The following HDAC9 variants were observed in gnomAD, a reference collection of about 807,000 sequenced individuals.
The protein encoded by HDAC9 is histone deacetylase 9.
A neutral mutation model predicts 139.4 loss-of-function variants in HDAC9; 41 were observed. The observed-to-expected ratio is 0.29, with a 90% CI of 0.23 to 0.38. HDAC9 has a LOEUF of 0.38. HDAC9 is among the 10% of genes least tolerant of loss of function. The probability of loss-of-function intolerance (pLI) is 1.00; values close to 1 mark genes in which losing one functional copy is unlikely to be tolerated. For synonymous variants in HDAC9, 517 were observed against 476.2 expected (o/e 1.09, Z -1.12); for missense variants, 1,147 against 1,297.0 (o/e 0.88, Z 1.78).
Position 18,445,959 on chromosome 7 carries a change from A to G in HDAC9, c.-41-50303A>G, listed in dbSNP as rs1792255909. 2.6e-5 allele frequency among the ~76,000 whole-genome samples: 4 copies of G among 152,244 alleles called. No homozygotes were observed. The South Asian group carries it at 8.3e-4, about 32-fold the overall frequency. The stretch of plus-strand genomic sequence containing the variant: ...GGATTGTGCGTGAGCTGCTGATGAC[A>G]TAGACACTCATTTGCTCCTTAAAGA... On this transcript the variant is annotated intron_variant, in intron 1 of 3. Transcript: ENST00000413509.
chr7:18,972,525 C>T (rs1277177689), intron 24 of HDAC9, among the ~76,000 whole-genome samples: 1 of 151,898 alleles, frequency 6.6e-6, no homozygotes, highest in East Asian at 1.9e-4. Flanking sequence ...GGATTATAGG[C>T]ATGCACCACC....
At chr7:18,536,084 C>G (rs1260158252) in intron 2 of HDAC9, among the ~76,000 whole-genome samples, 1 of 152,164 alleles carries the variant, frequency 6.6e-6, no homozygotes, top group Non-Finnish European at 1.5e-5. Context: ...ACACTGCAAC[C>G]CAGGTGCATG....
intron 11 of HDAC9, among the ~76,000 whole-genome samples, chr7:18,653,254 A>C (rs1480723122): frequency 6.6e-6 from 1 of 151,852 alleles, no homozygotes; most frequent in Non-Finnish European, 1.5e-5. Context: ...AAAAAAAAAA[A>C]AAACCAGTAA....
At chr7:18,124,269 C>A (rs569430955) in intron 1 of HDAC9, among the ~76,000 whole-genome samples, 1 of 152,162 alleles carries the variant, frequency 6.6e-6, no homozygotes, top group African/African-American at 2.4e-5. Flanking sequence ...ATGTCTTTTA[C>A]GGTCTGCTTC....
intron 2 of HDAC9, among the ~76,000 whole-genome samples, chr7:18,581,688 A>G (rs1241737281): frequency 6.6e-6 from 1 of 152,166 alleles, no homozygotes; most frequent in Non-Finnish European, 1.5e-5. Context: ...AAAATGAAAT[A>G]TATCATTAAC....
intron 2 of HDAC9, among the ~76,000 whole-genome samples, chr7:18,201,251 AT>A (rs1791097206): frequency 6.6e-6 from 1 of 152,118 alleles, no homozygotes; most frequent in African/African-American, 2.4e-5. Flanking sequence ...CCCATATGTT[AT>A]ATTAATTTGG....
chr7:18,143,115 G>A (rs535617075), intron 1 of HDAC9, among the ~76,000 whole-genome samples: 144 of 152,218 alleles, frequency 9.5e-4, no homozygotes, highest in Admixed American at 1.5e-3. Flanking sequence ...TGTGACACTA[G>A]GGCAAAGATC....
At chr7:18,758,887 C>T (rs528592224) in intron 14 of HDAC9, among the ~76,000 whole-genome samples, 1 of 151,404 alleles carries the variant, frequency 6.6e-6, no homozygotes, top group Non-Finnish European at 1.5e-5. Flanking sequence ...ACCAAAGAAG[C>T]AGAAGGTGAT....
At chr7:18,312,259 C>A (rs998385227) in intron 1 of HDAC9, among the ~76,000 whole-genome samples, 21 of 152,164 alleles carry the variant, frequency 1.4e-4, no homozygotes, top group Admixed American at 1.4e-3. Context: ...ATTTCTCCAT[C>A]TTTTCCTTGG....
intron 1 of HDAC9, among the ~76,000 whole-genome samples, chr7:18,443,256 A>T (rs1394035399): frequency 6.6e-6 from 1 of 152,156 alleles, no homozygotes; most frequent in Non-Finnish European, 1.5e-5. Flanking sequence ...GATAAATTAT[A>T]TTTTATCATT....
At position 18,835,713 on chromosome 7, in the gene HDAC9, A is replaced by G. The variant is rs938980914; in HGVS notation, c.2586+127A>G. 6 of 1,340,204 alleles carry G rather than the reference A, an allele frequency of 4.5e-6. No individual in the cohort carries two copies. The African/African-American group carries it at 7.2e-5, about 16-fold the overall frequency. The allele number at this position is 1,340,204 out of a possible 1,614,324, so 83.0% of individuals were successfully genotyped here. ...TTACACGAGATTACTGAATTGTCCC[A>G]TGGGACCAAGAACCAGTGCAGAACA... is the stretch of plus-strand genomic sequence containing the variant. On this transcript the variant is annotated intron_variant, in intron 20 of 25. Coordinates refer to ENST00000686413, the MANE Select transcript of HDAC9 (RefSeq NM_178425.4).
chr7:18,163,986 T>G (rs1261793296), intron 2 of HDAC9, among the ~76,000 whole-genome samples: 1 of 152,160 alleles, frequency 6.6e-6, no homozygotes, highest in African/African-American at 2.4e-5. Context: ...TGATAATTGT[T>G]CAGTTATGAG....
At chr7:18,345,296 C>A (rs1424648872) in intron 1 of HDAC9, among the ~76,000 whole-genome samples, 1 of 151,870 alleles carries the variant, frequency 6.6e-6, no homozygotes, top group Non-Finnish European at 1.5e-5. Flanking sequence ...TATATTTTAG[C>A]CTAAAATGTT....
At chr7:18,608,508 A>T (rs1836172143) in intron 6 of HDAC9, among the ~76,000 whole-genome samples, 2 of 152,170 alleles carry the variant, frequency 1.3e-5, no homozygotes, top group South Asian at 4.1e-4. Context: ...TTATTCATAT[A>T]CAAGATAAAT....
chr7:18,935,660 A>C lies in HDAC9; in HGVS notation c.2804-149A>C. On this transcript the variant is annotated intron_variant, in intron 22 of 25. Transcript: ENST00000686413. Reference sequence around the variant, plus strand: ...TAAAATAGAGATAATAATAGGACCTAATCCATAAAGTTATTTTAAGTATTG... The same window carrying C: ...TAAAATAGAGATAATAATAGGACCTCATCCATAAAGTTATTTTAAGTATTG... 1.9e-5 allele frequency: 13 copies of C among 690,714 alleles called. No individual in the cohort carries two copies. The South Asian group carries it at 2.5e-4, about 14-fold the overall frequency. The allele number at this position is 690,714 out of a possible 1,614,324, so 42.8% of individuals were successfully genotyped here.
chr7:18,202,453 A>G (rs570851505), intron 2 of HDAC9, among the ~76,000 whole-genome samples: 25 of 152,328 alleles, frequency 1.6e-4, no homozygotes, highest in Admixed American at 5.9e-4. Context: ...ATTCAGAGGT[A>G]AATGAAAAGT....
intron 1 of HDAC9, among the ~76,000 whole-genome samples, chr7:18,401,481 CT>C (rs1335743387): frequency 6.6e-6 from 1 of 152,160 alleles, no homozygotes; most frequent in Non-Finnish European, 1.5e-5. Context: ...AAGACTTAAT[CT>C]GTCCCTTTCA....
intron 2 of HDAC9, among the ~76,000 whole-genome samples, chr7:18,185,902 G>A (rs999590897): frequency 6.6e-6 from 1 of 152,094 alleles, no homozygotes; most frequent in African/African-American, 2.4e-5. Flanking sequence ...AAAGTATCTT[G>A]ATCATTCTGG....
chr7:18,702,125 C>T (rs1296687822), intron 12 of HDAC9, among the ~76,000 whole-genome samples: 2 of 152,168 alleles, frequency 1.3e-5, no homozygotes, highest in East Asian at 1.9e-4. Context: ...GTAGGTTAGT[C>T]GGATCTCGCT....
Sources: allele counts gnomAD v4.1 joint callset (sites outside exome capture counted in the v4.1 genomes callset), GRCh38; gene constraint gnomAD v4.1.1; transcripts MANE v1.5; gene names NCBI Gene and HGNC (gene_info 2026-07-23, HGNC 2026-07-21).